The following ETV6 variants were observed in gnomAD, a reference collection of about 807,000 sequenced individuals.
ETV6 encodes ETS variant transcription factor 6, also known as transcription factor ETV6.
In ETV6, 16 loss-of-function variants were observed where a neutral mutation model predicts 51.1. The observed-to-expected ratio is 0.31, with a 90% CI of 0.21 to 0.48. ETV6 has a LOEUF of 0.48. ETV6 is among the 20% of genes least tolerant of loss of function. The pLI is 0.99. For missense variants in ETV6, 458 were observed against 594.8 expected (o/e 0.77, Z 2.39); for synonymous variants, 240 against 224.1 (o/e 1.07, Z -0.64).
At chr12:11,657,168 A>C (rs1346430337) in intron 1 of ETV6, among the ~76,000 whole-genome samples, 2 of 152,158 alleles carry the variant, frequency 1.3e-5, no homozygotes, top group African/African-American at 4.8e-5. Context: ...AGATAATATG[A>C]GGGGATTCAG....
At chr12:11,825,760 T>C (rs1269445059) in intron 2 of ETV6, 1 of 152,018 alleles carries the variant, frequency 6.6e-6, no homozygotes, top group Non-Finnish European at 1.5e-5. Flanking sequence ...CATTTTATTA[T>C]AACGTGGTTA....
At chr12:11,775,799 C>G (rs1945314961) in intron 2 of ETV6, among the ~76,000 whole-genome samples, 1 of 152,248 alleles carries the variant, frequency 6.6e-6, no homozygotes, top group Non-Finnish European at 1.5e-5. Flanking sequence ...TGAGCAGTCA[C>G]TGAGACAGCG....
intron 2 of ETV6, among the ~76,000 whole-genome samples, chr12:11,822,724 G>A (rs1946098620): frequency 6.6e-6 from 1 of 152,208 alleles, no homozygotes. Flanking sequence ...TCAGTGAATT[G>A]CAAGTGAAGA....
At chr12:11,709,527 C>G (rs1209209247) in intron 1 of ETV6, among the ~76,000 whole-genome samples, 1 of 152,074 alleles carries the variant, frequency 6.6e-6, no homozygotes, top group Non-Finnish European at 1.5e-5. Flanking sequence ...CTTTGGAAAT[C>G]TAGTAATTGT....
chr12:11,717,060 T>C (rs1865292359), intron 1 of ETV6, among the ~76,000 whole-genome samples: 1 of 152,232 alleles, frequency 6.6e-6, no homozygotes, highest in Admixed American at 6.5e-5. Context: ...AGGCCTTCAG[T>C]GCACACAGAT....
intron 2 of ETV6, among the ~76,000 whole-genome samples, chr12:11,830,301 A>G (rs1194207745): frequency 1.3e-5 from 2 of 152,202 alleles, no homozygotes; most frequent in Non-Finnish European, 2.9e-5. Flanking sequence ...TGCATTTTAG[A>G]GTGCAAGGGG....
At chr12:11,742,665 G>A (rs971718058) in intron 1 of ETV6, among the ~76,000 whole-genome samples, 1 of 151,938 alleles carries the variant, frequency 6.6e-6, no homozygotes, top group African/African-American at 2.4e-5. Context: ...TAATTCTTAA[G>A]GCTTACATAA....
intron 1 of ETV6, among the ~76,000 whole-genome samples, chr12:11,720,466 C>T (rs936519643): frequency 5.3e-5 from 8 of 152,190 alleles, no homozygotes; most frequent in Admixed American, 3.3e-4. Flanking sequence ...CCAACAAAAA[C>T]AAGCAATGGG....
intron 2 of ETV6, among the ~76,000 whole-genome samples, chr12:11,827,115 T>C (rs1423944929): frequency 2.4e-5 from 3 of 122,450 alleles, no homozygotes; most frequent in Non-Finnish European, 5.3e-5. Context: ...CACACACAAA[T>C]GCAACACAAT....
chr12:11,688,574 A>G (rs1003810007), intron 1 of ETV6, among the ~76,000 whole-genome samples: 7 of 152,254 alleles, frequency 4.6e-5, no homozygotes, highest in African/African-American at 1.4e-4. Context: ...CGAGGCCTGC[A>G]TCCTGCTGTG....
At chr12:11,782,928 T>C (rs2136371930) in intron 2 of ETV6, among the ~76,000 whole-genome samples, 1 of 152,298 alleles carries the variant, frequency 6.6e-6, no homozygotes, top group East Asian at 1.9e-4. Flanking sequence ...TATGCCATGC[T>C]AAGGAGTTTA....
intron 1 of ETV6, among the ~76,000 whole-genome samples, chr12:11,678,453 A>G (rs1380197065): frequency 6.6e-6 from 1 of 152,104 alleles, no homozygotes; most frequent in African/African-American, 2.4e-5. Context: ...ATACTCTACA[A>G]CTCACATGGC....
intron 1 of ETV6, among the ~76,000 whole-genome samples, chr12:11,736,949 A>G (rs144420629): frequency 6.6e-6 from 1 of 152,262 alleles, no homozygotes; most frequent in Non-Finnish European, 1.5e-5. Context: ...GCTCTGTTCT[A>G]GTTGTAAGGG....
chr12:11,676,441 G>A (rs1050769362), intron 1 of ETV6, among the ~76,000 whole-genome samples: 2 of 152,140 alleles, frequency 1.3e-5, no homozygotes, highest in Non-Finnish European at 2.9e-5. Context: ...GCGTGATCTG[G>A]CCCTGTCCCT....
chr12:11,768,859 G>C (rs985557497), intron 2 of ETV6: 1 of 455,078 alleles, frequency 2.2e-6, no homozygotes, highest in African/African-American at 2.0e-5. Context: ...GCTACATAAA[G>C]AAGGTGGCCA....
At chr12:11,706,524 C>T (rs946472161) in intron 1 of ETV6, among the ~76,000 whole-genome samples, 2 of 152,230 alleles carry the variant, frequency 1.3e-5, no homozygotes, top group African/African-American at 4.8e-5. Flanking sequence ...AATAGTGAAT[C>T]AGTGTGCTCC....
intron 1 of ETV6, among the ~76,000 whole-genome samples, chr12:11,730,784 CT>C (rs1259643233): frequency 1.3e-5 from 2 of 152,324 alleles, no homozygotes; most frequent in African/African-American, 4.8e-5. Context: ...GAATGGAAGA[CT>C]TTCCCATGGC....
intron 1 of ETV6, among the ~76,000 whole-genome samples, chr12:11,683,476 T>G (rs1430042933): frequency 6.6e-6 from 1 of 152,234 alleles, no homozygotes; most frequent in Admixed American, 6.5e-5. Flanking sequence ...GATCAAATTT[T>G]TTAAATGTCA....
At chr12:11,797,056 A>G (rs182695347) in intron 2 of ETV6, among the ~76,000 whole-genome samples, 1 of 152,328 alleles carries the variant, frequency 6.6e-6, no homozygotes, top group East Asian at 1.9e-4. Flanking sequence ...AGAGGCATTT[A>G]GATGTCCTTT....
Sources: allele counts gnomAD v4.1 joint callset (sites outside exome capture counted in the v4.1 genomes callset), GRCh38; gene constraint gnomAD v4.1.1; transcripts MANE v1.5; gene names NCBI Gene and HGNC (gene_info 2026-07-23, HGNC 2026-07-21).